Variants in ARHGAP42 observed in about 807,000 individuals in gnomAD.
The protein encoded by ARHGAP42 is rho GTPase-activating protein 42.
A neutral mutation model predicts 125.0 loss-of-function variants in ARHGAP42; 63 were observed. The ratio of observed to expected loss-of-function variants is 0.50; its 90% CI spans 0.41 to 0.62. The LOEUF is 0.62. ARHGAP42 is among the 20% of genes least tolerant of loss of function. The pLI is 0.00. For missense variants in ARHGAP42, 766 were observed against 1,024.2 expected (o/e 0.75, Z 3.44); for synonymous variants, 339 against 351.0 (o/e 0.97, Z 0.38).
chr11:100,959,783 T>G (rs1591322990), intron 12 of ARHGAP42, 100 bp from the exon 13 acceptor site: 1 of 1,095,260 alleles, frequency 9.1e-7, no homozygotes, highest in East Asian at 2.6e-5. Context: ...AGAAAAAACC[T>G]CTCTACTGTT....
intron 3 of ARHGAP42, among the ~76,000 whole-genome samples, chr11:100,858,522 T>C (rs1865376869): frequency 6.6e-6 from 1 of 152,088 alleles, no homozygotes; most frequent in Non-Finnish European, 1.5e-5. Flanking sequence ...GAAATTAAAC[T>C]TGACTAGAGA....
intron 3 of ARHGAP42, among the ~76,000 whole-genome samples, chr11:100,827,204 TG>T (rs1316739355): frequency 6.6e-6 from 1 of 152,054 alleles, no homozygotes; most frequent in Admixed American, 6.6e-5. Flanking sequence ...GGTTTCACAA[TG>T]TTGGCCAGGC....
chr11:100,926,080 G>A (rs145770190), intron 6 of ARHGAP42, among the ~76,000 whole-genome samples: 16 of 152,280 alleles, frequency 1.1e-4, no homozygotes, highest in African/African-American at 3.4e-4. Context: ...ATAAAGGTTT[G>A]TGGCTTAGAA....
At chr11:100,948,573 G>C (rs761982384) in intron 11 of ARHGAP42, 38 bp downstream of exon 11, 4 of 1,440,848 alleles carry the variant, frequency 2.8e-6, no homozygotes, top group African/African-American at 2.9e-5. Context: ...AGGTTTTATT[G>C]TCCTAATAAT....
intron 2 of ARHGAP42, among the ~76,000 whole-genome samples, chr11:100,776,696 G>T (rs1469752851): frequency 1.3e-5 from 2 of 152,100 alleles, no homozygotes; most frequent in African/African-American, 4.8e-5. Flanking sequence ...GTTAGCATCG[G>T]CCGGGCACAG....
chr11:100,750,115 T>C (rs1344556531), intron 1 of ARHGAP42, among the ~76,000 whole-genome samples: 1 of 152,216 alleles, frequency 6.6e-6, no homozygotes, highest in Non-Finnish European at 1.5e-5. Context: ...AATGTAATCC[T>C]GGATGAGCCC....
At chr11:100,700,581 C>T (rs927926819) in intron 1 of ARHGAP42, among the ~76,000 whole-genome samples, 3 of 152,182 alleles carry the variant, frequency 2.0e-5, no homozygotes, top group African/African-American at 4.8e-5. Context: ...GTGTTCACCG[C>T]ATCTTCACCA....
At chr11:100,822,463 C>T (rs1864426129) in intron 3 of ARHGAP42, among the ~76,000 whole-genome samples, 1 of 152,116 alleles carries the variant, frequency 6.6e-6, no homozygotes, top group South Asian at 2.1e-4. Flanking sequence ...GTTTGTTTCA[C>T]TGTTATTTTC....
At chr11:100,735,949 T>C (rs1862059455) in intron 1 of ARHGAP42, among the ~76,000 whole-genome samples, 2 of 152,094 alleles carry the variant, frequency 1.3e-5, no homozygotes, top group Admixed American at 1.3e-4. Flanking sequence ...ATATCCTATT[T>C]GAGCGGCTAT....
At chr11:100,699,907 C>G (rs1242032991) in intron 1 of ARHGAP42, among the ~76,000 whole-genome samples, 2 of 151,906 alleles carry the variant, frequency 1.3e-5, no homozygotes, top group Non-Finnish European at 2.9e-5. Flanking sequence ...ATGGGAGGAC[C>G]CTTCCTTGCC....
At chr11:100,881,247 T>G (rs542204755) in intron 4 of ARHGAP42, among the ~76,000 whole-genome samples, 4 of 152,228 alleles carry the variant, frequency 2.6e-5, no homozygotes, top group African/African-American at 9.6e-5. Context: ...TCTTCCATCT[T>G]GAGTTGATCT....
intron 3 of ARHGAP42, among the ~76,000 whole-genome samples, chr11:100,845,712 A>G (rs558125723): frequency 6.6e-6 from 1 of 152,286 alleles, no homozygotes; most frequent in South Asian, 2.1e-4. Context: ...ACTTCACAGC[A>G]TTACATAGTC....
intron 4 of ARHGAP42, among the ~76,000 whole-genome samples, chr11:100,890,769 A>C (rs1338637205): frequency 3.3e-5 from 5 of 152,214 alleles, no homozygotes; most frequent in Admixed American, 1.3e-4. Context: ...AATTAATTTT[A>C]GGTAGGTTTT....
intron 1 of ARHGAP42, among the ~76,000 whole-genome samples, chr11:100,731,463 T>C (rs1049991675): frequency 3.3e-5 from 5 of 152,168 alleles, no homozygotes; most frequent in Admixed American, 3.3e-4. Flanking sequence ...TTATATTCTT[T>C]TAAAGGTTTG....
At chr11:100,741,936 G>A (rs933277394) in intron 1 of ARHGAP42, among the ~76,000 whole-genome samples, 1 of 152,110 alleles carries the variant, frequency 6.6e-6, no homozygotes, top group African/African-American at 2.4e-5. Flanking sequence ...TTTAACCTGA[G>A]ACTCCAAATT....
intron 2 of ARHGAP42, among the ~76,000 whole-genome samples, chr11:100,773,124 A>G (rs1218231187): frequency 6.6e-6 from 1 of 152,208 alleles, no homozygotes; most frequent in African/African-American, 2.4e-5. Context: ...GGTGTGAATC[A>G]CCATGCCCAG....
rs1399608629 is a variant in ARHGAP42 at position 100,979,019 on chromosome 11, T to C, written c.2426T>C (p.Val809Ala). ...VAAKAQLFEN[V>A]GSPKPVSSGR... ...GCAAAAGCTCAACTGTTTGAAAATG[T>C]TGGTTCACCTAAACCAGTTTCTTCT... is the stretch of plus-strand genomic sequence containing the variant. Residue 809 changes from valine (V) to alanine (A), a missense_variant, in exon 22 of 24, where the codon GTT becomes GCT. This residue lies in a region of ARHGAP42 where 308 missense variants were observed against 369.7 expected (regional missense o/e 0.83). Transcript: ENST00000298815. 2 of 1,551,546 alleles carry C rather than the reference T, an allele frequency of 1.3e-6. No homozygotes were observed. The highest frequency in any genetic ancestry group is 1.7e-6 in the Non-Finnish European group (2 of 1,146,830).
intron 22 of ARHGAP42, among the ~76,000 whole-genome samples, chr11:100,979,884 CTGTTGTATAGT>C (rs965754159): frequency 6.6e-6 from 1 of 152,144 alleles, no homozygotes; most frequent in African/African-American, 2.4e-5. Context: ...ATCACAGATA[CTGTTGTATAGT>C]TGTTGTATAG....
At chr11:100,854,971 C>T (rs675999) in intron 3 of ARHGAP42, among the ~76,000 whole-genome samples, 3,421 of 152,110 alleles carry the variant, frequency 0.022, 56 homozygotes, top group Middle Eastern at 0.051. Context: ...GCTTCTGCAT[C>T]GATTATGATC....
Sources: allele counts gnomAD v4.1 joint callset (sites outside exome capture counted in the v4.1 genomes callset), GRCh38; gene constraint gnomAD v4.1.1; regional missense constraint gnomAD v4.1.1; transcripts MANE v1.5; gene names NCBI Gene and HGNC (gene_info 2026-07-23, HGNC 2026-07-21).